RAD18: variants seen among roughly 807,000 people sequenced by gnomAD.
RAD18 encodes the protein RAD18 E3 ubiquitin protein ligase.
In RAD18, 47 loss-of-function variants were observed where a neutral mutation model predicts 60.4. The observed-to-expected ratio is 0.78, with a 90% CI of 0.62 to 0.99. RAD18 has a LOEUF of 0.99. Among genes scored for constraint, RAD18 ranks in the 50% least tolerant of loss-of-function variants. The probability of loss-of-function intolerance (pLI) is 0.00; values close to 1 mark genes in which losing one functional copy is unlikely to be tolerated. For missense variants in RAD18, 640 were observed against 593.3 expected, an observed-to-expected ratio of 1.08 and a Z score of -0.82; for synonymous variants, 225 against 195.5, an observed-to-expected ratio of 1.15 and a Z score of -1.26.
At chr3:8,905,458 A>G (rs1337131839) in intron 9 of RAD18, among the ~76,000 whole-genome samples, 1 of 152,200 alleles carries the variant, frequency 6.6e-6, no homozygotes, top group Admixed American at 6.5e-5. Context: ...TCAAGAGTAG[A>G]AAAGACTCAC....
At chr3:8,900,767 A>C (rs1433637030) in intron 10 of RAD18, among the ~76,000 whole-genome samples, 2 of 152,170 alleles carry the variant, frequency 1.3e-5, no homozygotes, top group African/African-American at 4.8e-5. Context: ...CTTTTCAGTC[A>C]GTCTGTGTCT....
chr3:8,924,379 G>A (rs1473829265), intron 7 of RAD18, among the ~76,000 whole-genome samples: 25 of 146,268 alleles, frequency 1.7e-4, no homozygotes, highest in African/African-American at 6.1e-4. Flanking sequence ...AAATATATAT[G>A]CACCCAATAC....
chr3:8,886,539 A>G (rs1939568679), intron 12 of RAD18, among the ~76,000 whole-genome samples: 1 of 152,220 alleles, frequency 6.6e-6, no homozygotes, highest in South Asian at 2.1e-4. Context: ...TGACTGACTG[A>G]CTGACAGACA....
chr3:8,896,294 T>A (rs766461661), intron 11 of RAD18, among the ~76,000 whole-genome samples: 1 of 152,236 alleles, frequency 6.6e-6, no homozygotes, highest in Non-Finnish European at 1.5e-5. Flanking sequence ...CTGTCTTCCA[T>A]TATCCTCTAA....
intron 11 of RAD18, among the ~76,000 whole-genome samples, chr3:8,893,560 A>T (rs1035386857): frequency 1.3e-5 from 2 of 152,236 alleles, no homozygotes; most frequent in African/African-American, 4.8e-5. Context: ...GCAGTTGGCT[A>T]ACGTATTAGA....
intron 8 of RAD18, 194 bp from the exon 9 acceptor site, chr3:8,912,566 A>G (rs1940122525): frequency 2.8e-6 from 1 of 360,238 alleles, no homozygotes; most frequent in East Asian, 4.3e-5. Flanking sequence ...CATTTTACTC[A>G]TTATTTTTTC....
intron 5 of RAD18, among the ~76,000 whole-genome samples, chr3:8,941,195 A>G (rs1167180692): frequency 6.6e-6 from 1 of 152,240 alleles, no homozygotes; most frequent in Admixed American, 6.5e-5. Flanking sequence ...AATGAGGGGA[A>G]GAAAGATTAA....
At chr3:8,935,734 T>C in intron 7 of RAD18, 137 bp downstream of exon 7, 1 of 811,442 alleles carries the variant, frequency 1.2e-6, no homozygotes, top group South Asian at 2.4e-5. Context: ...TAGGTACCTT[T>C]TGAAGGAACA....
intron 7 of RAD18, among the ~76,000 whole-genome samples, chr3:8,920,221 G>A (rs1254906647): frequency 6.7e-6 from 1 of 148,848 alleles, no homozygotes; most frequent in African/African-American, 2.5e-5. Flanking sequence ...GGAGCTTGCA[G>A]TGAGCCGAGA....
Position 8,963,413 on chromosome 3 carries a change from G to A in RAD18, c.-28C>T, listed in dbSNP as rs756351366. ...TCGCTCCCGAGGATGCTGGGGGTCA[G>A]CCACCCACTAGCCTCCGGCGCTCCA... On this transcript the variant is annotated 5_prime_UTR_variant, in exon 1 of 13. Transcript: ENST00000264926. The A allele has an allele frequency of 6.3e-7, 1 of 1,574,902 alleles. No individual in the cohort carries two copies. The highest frequency in any genetic ancestry group is 8.6e-7 in the Non-Finnish European group (1 of 1,157,442).
At chr3:8,897,331 T>C (rs1032924096) in intron 11 of RAD18, among the ~76,000 whole-genome samples, 8 of 152,018 alleles carry the variant, frequency 5.3e-5, no homozygotes, top group Non-Finnish European at 1.0e-4. Flanking sequence ...CAAGGAAAAA[T>C]GAAGTGAAAG....
chr3:8,963,471 A>G lies in RAD18; in HGVS notation c.-86T>C. ...TCGAAATTCCCCGCGCTACCGCATT[A>G]CGTCAGCAGCCCGCGACGCGCCAGA... On this transcript the variant is annotated 5_prime_UTR_variant, in exon 1 of 13. Coordinates refer to ENST00000264926, the MANE Select transcript of RAD18 (RefSeq NM_020165.4). The G allele has an allele frequency of 7.6e-7, 1 of 1,314,028 alleles. No homozygotes were observed. Among genetic ancestry groups the G allele is most frequent in the Non-Finnish European group, 1.0e-6 (1 of 954,180 alleles). 81.4% of individuals were successfully genotyped at this position (1,314,028 alleles called of 1,614,324 possible).
intron 7 of RAD18, among the ~76,000 whole-genome samples, chr3:8,921,590 T>C (rs141716893): frequency 1.3e-5 from 2 of 151,868 alleles, no homozygotes; most frequent in Non-Finnish European, 2.9e-5. Flanking sequence ...CGGTGAACTA[T>C]CATTGCGCCA....
At chr3:8,962,758 G>C (rs1168242605) in intron 1 of RAD18, among the ~76,000 whole-genome samples, 2 of 152,220 alleles carry the variant, frequency 1.3e-5, no homozygotes, top group Admixed American at 6.5e-5. Flanking sequence ...TGCAAGATCA[G>C]CGCTGAGCCT....
chr3:8,927,857 C>G (rs1415404678), intron 7 of RAD18, among the ~76,000 whole-genome samples: 1 of 147,760 alleles, frequency 6.8e-6, no homozygotes, highest in African/African-American at 2.5e-5. Flanking sequence ...GGGAACTGAA[C>G]AATGACAACA....
chr3:8,936,768 A>G (rs1940660840), intron 6 of RAD18, among the ~76,000 whole-genome samples: 1 of 152,234 alleles, frequency 6.6e-6, no homozygotes, highest in Non-Finnish European at 1.5e-5. Flanking sequence ...GTACCTAAGA[A>G]GCACCTAAAG....
intron 12 of RAD18, among the ~76,000 whole-genome samples, chr3:8,888,163 C>G (rs558940998): frequency 4.1e-4 from 62 of 152,294 alleles, no homozygotes; most frequent in African/African-American, 1.4e-3. Context: ...GCCTCCTGAC[C>G]ACGCTAGCGT....
At chr3:8,926,800 A>C (rs1431876427) in intron 7 of RAD18, among the ~76,000 whole-genome samples, 17 of 152,296 alleles carry the variant, frequency 1.1e-4, no homozygotes, top group Admixed American at 3.3e-4. Context: ...CAAAAACAAG[A>C]AATGGGGAAA....
chr3:8,927,050 A>T (rs371079292), intron 7 of RAD18, among the ~76,000 whole-genome samples: 5 of 152,088 alleles, frequency 3.3e-5, no homozygotes, highest in East Asian at 3.9e-4. Context: ...AAAGCCAAAA[A>T]TGACAAATGG....
Sources: gnomAD v4.1 joint callset for allele counts (sites outside exome capture counted in the v4.1 genomes callset) on GRCh38, gnomAD v4.1.1 for gene constraint, MANE v1.5 for transcripts, NCBI Gene and HGNC (gene_info 2026-07-23, HGNC 2026-07-21) for gene names.